The following CGRRF1 variants were observed in gnomAD, a reference collection of about 807,000 sequenced individuals.
CGRRF1 encodes cell growth regulator with RING finger domain protein 1.
In CGRRF1, 32 loss-of-function variants were observed where a neutral mutation model predicts 37.2. That is an observed-to-expected ratio of 0.86 (90% CI 0.65 to 1.16). The LOEUF (loss-of-function observed/expected upper bound fraction) is 1.16. CGRRF1 is among the 50% of genes most tolerant of loss of function. The pLI, the probability that CGRRF1 is intolerant of heterozygous loss-of-function variation, is 0.00. For missense variants in CGRRF1, 391 were observed against 382.6 expected, an observed-to-expected ratio of 1.02 and a Z score of -0.18; for synonymous variants, 141 against 140.3, an observed-to-expected ratio of 1.00 and a Z score of -0.04.
intron 1 of CGRRF1, among the ~76,000 whole-genome samples, chr14:54,518,161 A>G (rs1299106496): frequency 1.3e-5 from 2 of 152,194 alleles, no homozygotes; most frequent in African/African-American, 4.8e-5. Flanking sequence ...TGCTGGGTCA[A>G]ATGGTATTTC....
intron 1 of CGRRF1, chr14:54,510,304 T>G: frequency 1.9e-6 from 1 of 539,170 alleles, no homozygotes; most frequent in Non-Finnish European, 3.3e-6. Context: ...TGGTACCGCA[T>G]TGGGGTGTTT....
Position 54,530,125 on chromosome 14 carries a change from A to T in CGRRF1, c.321A>T (p.Leu107Phe), listed in dbSNP as rs556976241. Residue 107 changes from leucine to phenylalanine, a missense_variant, in exon 3 of 6, where the codon TTA becomes TTT. Physicochemically the swap from Leu to Phe is conservative, Grantham distance 22 (BLOSUM62 0). Coordinates refer to ENST00000216420, the MANE Select transcript of CGRRF1 (RefSeq NM_006568.3). ...TCYWGCSVQK[L>F]YEALQKHVYC... is the part of the protein sequence containing the mutation. ...ACTGGGGGTGCAGTGTTCAAAAATT[A>T]TATGAAGCTCTGCAGAAGCATGTTT... 1 of 1,613,594 alleles carries T rather than the reference A, an allele frequency of 6.2e-7. No homozygotes were observed. The highest frequency in any genetic ancestry group is 1.7e-5 in the Admixed American group (1 of 60,006).
intron 1 of CGRRF1, among the ~76,000 whole-genome samples, chr14:54,517,042 G>T (rs139341359): frequency 1.3e-5 from 2 of 151,874 alleles, no homozygotes; most frequent in East Asian, 1.9e-4. Flanking sequence ...TATCATATGT[G>T]CAGTCATTAC....
At chr14:54,529,986 C>T (rs1566511540) in intron 2 of CGRRF1, 63 bp from the exon 3 acceptor site, 20 of 1,370,032 alleles carry the variant, frequency 1.5e-5, no homozygotes, top group Non-Finnish European at 1.9e-5. Flanking sequence ...GTTACTCACC[C>T]TGTATGATTG....
chr14:54,527,465 A>G (rs1487091149), intron 2 of CGRRF1, among the ~76,000 whole-genome samples: 6 of 152,286 alleles, frequency 3.9e-5, no homozygotes, highest in Admixed American at 3.9e-4. Flanking sequence ...GTATAATAAT[A>G]ATAACATTAA....
chr14:54,529,398 T>C (rs2032468875), intron 2 of CGRRF1, among the ~76,000 whole-genome samples: 1 of 152,352 alleles, frequency 6.6e-6, no homozygotes, highest in South Asian at 2.1e-4. Context: ...ACTCAAATTG[T>C]TATATCTTCT....
chr14:54,519,351 C>G (rs527243901), intron 1 of CGRRF1, among the ~76,000 whole-genome samples: 2 of 152,098 alleles, frequency 1.3e-5, no homozygotes, highest in Admixed American at 1.3e-4. Context: ...GATCCTTCCA[C>G]CTCAGCCTCT....
chr14:54,525,871 C>T (rs1265466455), intron 2 of CGRRF1, among the ~76,000 whole-genome samples: 3 of 152,024 alleles, frequency 2.0e-5, no homozygotes, highest in Non-Finnish European at 4.4e-5. Flanking sequence ...CTGAGACGGG[C>T]GGATCCTTGA....
chr14:54,534,570 G>A (rs1014885000), intron 4 of CGRRF1, among the ~76,000 whole-genome samples: 1 of 152,072 alleles, frequency 6.6e-6, no homozygotes, highest in Admixed American at 6.6e-5. Context: ...CTAATGTAGG[G>A]TTTTAAAACT....
chr14:54,522,622 C>T (rs1566509156), intron 2 of CGRRF1, 29 bp downstream of exon 2: 2 of 1,565,192 alleles, frequency 1.3e-6, no homozygotes, highest in South Asian at 1.2e-5. Context: ...AAGATTTTCT[C>T]TCATTGTTTG....
In CGRRF1 at chr14:54,538,070, T is replaced by C. The variant is rs775198313; in HGVS notation, c.686T>C (p.Phe229Ser). The part of the protein sequence containing the change: ...QGQFHDLKQL[F>S]MSANNNFTPS... Reference sequence around the variant, plus strand: ...TATTTCTTTGATTTTCAGCAACTTTTCATGTCTGCAAATAATAATTTCACT... The same window carrying C: ...TATTTCTTTGATTTTCAGCAACTTTCCATGTCTGCAAATAATAATTTCACT... Residue 229 changes from phenylalanine to serine, a missense_variant, in exon 6 of 6, where the codon TTC becomes TCC. Transcript: ENST00000216420. 5.6e-6 allele frequency: 9 copies of C among 1,597,666 alleles called. No homozygotes were observed. The South Asian group carries it at 9.2e-5, about 16-fold the overall frequency.
chr14:54,517,820 A>T (rs1467770766), intron 1 of CGRRF1, among the ~76,000 whole-genome samples: 9 of 152,050 alleles, frequency 5.9e-5, no homozygotes, highest in Admixed American at 5.9e-4. Flanking sequence ...TTTCCCCTCC[A>T]TGTGTCCATG....
intron 1 of CGRRF1, among the ~76,000 whole-genome samples, chr14:54,518,719 CAT>C (rs1479611241): frequency 2.6e-5 from 4 of 151,994 alleles, no homozygotes; most frequent in Non-Finnish European, 5.9e-5. Context: ...CTGTTTTTCA[CAT>C]GTTTGTTGGC....
At chr14:54,530,863 T>C (rs762135793) in intron 3 of CGRRF1, 40 bp from the exon 4 acceptor site, 1 of 1,473,014 alleles carries the variant, frequency 6.8e-7, no homozygotes, top group East Asian at 2.3e-5. Context: ...TTTTTGTTCT[T>C]ATGGTTATAG....
chr14:54,526,903 C>T (rs2140061873), intron 2 of CGRRF1, among the ~76,000 whole-genome samples: 1 of 152,312 alleles, frequency 6.6e-6, no homozygotes, highest in South Asian at 2.1e-4. Context: ...TCACAGGGAT[C>T]CTTCCTCAAG....
intron 2 of CGRRF1, among the ~76,000 whole-genome samples, chr14:54,528,276 G>A (rs761309332): frequency 1.1e-4 from 16 of 146,556 alleles, no homozygotes; most frequent in Admixed American, 4.1e-4. Context: ...GCAGTGGCAC[G>A]ATCTCGGCTC....
intron 2 of CGRRF1, among the ~76,000 whole-genome samples, chr14:54,525,050 A>G (rs2140060718): frequency 6.6e-6 from 1 of 152,266 alleles, no homozygotes; most frequent in East Asian, 1.9e-4. Context: ...CTGTCTCAAA[A>G]AATAAAATAA....
chr14:54,511,183 G>A (rs1248262598), intron 1 of CGRRF1, among the ~76,000 whole-genome samples: 2 of 152,174 alleles, frequency 1.3e-5, no homozygotes, highest in African/African-American at 4.8e-5. Flanking sequence ...GCCCTTGTCG[G>A]TTTCTGAAAA....
chr14:54,528,950 G>C (rs528497499), intron 2 of CGRRF1, among the ~76,000 whole-genome samples: 2 of 152,218 alleles, frequency 1.3e-5, no homozygotes, highest in South Asian at 4.1e-4. Context: ...TTGTATTTGT[G>C]TATCTTCTTC....
Sources: allele counts gnomAD v4.1 joint callset (sites outside exome capture counted in the v4.1 genomes callset), GRCh38; gene constraint gnomAD v4.1.1; transcripts MANE v1.5; gene names NCBI Gene and HGNC (gene_info 2026-07-23, HGNC 2026-07-21).